The following RBMS1 variants were observed in gnomAD, a reference collection of about 807,000 sequenced individuals.
RBMS1 encodes RNA binding motif single stranded interacting protein 1.
A neutral mutation model predicts 62.3 loss-of-function variants in RBMS1; 17 were observed. The ratio of observed to expected loss-of-function variants is 0.27; its 90% CI spans 0.19 to 0.41. The LOEUF (loss-of-function observed/expected upper bound fraction) is 0.41. RBMS1 is among the 10% of genes least tolerant of loss of function. The probability of loss-of-function intolerance (pLI) is 1.00; values close to 1 mark genes in which losing one functional copy is unlikely to be tolerated. For synonymous variants in RBMS1, 172 were observed against 170.0 expected, an observed-to-expected ratio of 1.01 and a Z score of -0.09; for missense variants, 334 against 504.5, an observed-to-expected ratio of 0.66 and a Z score of 3.24.
intron 1 of RBMS1, among the ~76,000 whole-genome samples, chr2:160,490,110 TC>T (rs1343239450): frequency 6.6e-6 from 1 of 152,104 alleles, no homozygotes; most frequent in Non-Finnish European, 1.5e-5. Context: ...TGTTAGATTA[TC>T]AACATCTTTT....
At chr2:160,421,135 TTC>T (rs1282522015) in intron 1 of RBMS1, among the ~76,000 whole-genome samples, 2 of 151,870 alleles carry the variant, frequency 1.3e-5, no homozygotes, top group Non-Finnish European at 2.9e-5. Context: ...CTCTAACTTA[TTC>T]TTTTTTCTTT....
chr2:160,333,263 CTAA>C (rs1008993213), intron 2 of RBMS1, among the ~76,000 whole-genome samples: 3 of 152,042 alleles, frequency 2.0e-5, no homozygotes, highest in Non-Finnish European at 2.9e-5. Flanking sequence ...TATTGTGATC[CTAA>C]TAATAATAAT....
intron 1 of RBMS1, among the ~76,000 whole-genome samples, chr2:160,406,091 G>C (rs1052596546): frequency 1.3e-5 from 2 of 152,130 alleles, no homozygotes; most frequent in African/African-American, 2.4e-5. Flanking sequence ...CATAAATGCA[G>C]ATTTTATTTA....
chr2:160,423,122 C>T (rs925648405), intron 1 of RBMS1, among the ~76,000 whole-genome samples: 6 of 152,138 alleles, frequency 3.9e-5, no homozygotes, highest in Admixed American at 1.3e-4. Flanking sequence ...TCCTTGATTT[C>T]GAATGAACTT....
intron 1 of RBMS1, among the ~76,000 whole-genome samples, chr2:160,417,008 C>T (rs1214119241): frequency 1.3e-5 from 2 of 152,108 alleles, no homozygotes; most frequent in African/African-American, 4.8e-5. Flanking sequence ...TCTTTTCTTG[C>T]GCTTTAAGAA....
chr2:160,277,438 G>A, intron 11 of RBMS1, 55 bp from the exon 12 acceptor site: 3 of 1,332,916 alleles, frequency 2.3e-6, no homozygotes, highest in Non-Finnish European at 3.2e-6. Context: ...AAAATTTGGA[G>A]TACGTGGGGG....
At chr2:160,406,379 C>T (rs1183108631) in intron 1 of RBMS1, among the ~76,000 whole-genome samples, 2 of 152,220 alleles carry the variant, frequency 1.3e-5, no homozygotes, top group African/African-American at 4.8e-5. Context: ...AAAGGGAAGC[C>T]ACCAAGCATC....
Position 160,307,719 on chromosome 2 carries a change from TG to T in RBMS1, c.403-4233del, listed in dbSNP as rs1297625452. ...TTAATTCTCAATATCTGCCCAAGCT[TG>T]GAAAAAAGTTATTTTCTCAATTATT... On this transcript the variant is annotated intron_variant, in intron 4 of 13. Transcript: ENST00000348849. Among the ~76,000 whole-genome samples the T allele has an allele frequency of 5.3e-5, 8 of 152,248 alleles. No individual in the cohort carries two copies. The East Asian group carries it at 1.5e-3, about 29-fold the overall frequency.
At chr2:160,418,091 G>A (rs1275341362) in intron 1 of RBMS1, among the ~76,000 whole-genome samples, 1 of 152,192 alleles carries the variant, frequency 6.6e-6, no homozygotes, top group Non-Finnish European at 1.5e-5. Context: ...AAGATGAAAG[G>A]GAGATGAACC....
intron 1 of RBMS1, among the ~76,000 whole-genome samples, chr2:160,438,038 A>G (rs1683185716): frequency 6.6e-6 from 1 of 152,220 alleles, no homozygotes; most frequent in South Asian, 2.1e-4. Flanking sequence ...GAAATGCCTT[A>G]GGGTCCTCCT....
At chr2:160,452,672 T>C (rs1684042093) in intron 1 of RBMS1, among the ~76,000 whole-genome samples, 1 of 152,228 alleles carries the variant, frequency 6.6e-6, no homozygotes, top group South Asian at 2.1e-4. Flanking sequence ...AGAATGACCT[T>C]ATTACGAGAA....
At chr2:160,459,262 T>C (rs187459846) in intron 1 of RBMS1, among the ~76,000 whole-genome samples, 99 of 152,342 alleles carry the variant, frequency 6.5e-4, no homozygotes, top group Non-Finnish European at 1.2e-3. Context: ...GAGAAAACAC[T>C]GGGTGGCTTC....
At chr2:160,439,215 G>C (rs557220269) in intron 1 of RBMS1, among the ~76,000 whole-genome samples, 17 of 151,996 alleles carry the variant, frequency 1.1e-4, no homozygotes, top group East Asian at 2.0e-4. Context: ...CCTCCCTCTC[G>C]GACGAGGTGG....
At chr2:160,392,313 G>C (rs954923950) in intron 1 of RBMS1, among the ~76,000 whole-genome samples, 1 of 152,116 alleles carries the variant, frequency 6.6e-6, no homozygotes, top group African/African-American at 2.4e-5. Context: ...GCTGGCTTTT[G>C]TATTTAAAGT....
intron 4 of RBMS1, among the ~76,000 whole-genome samples, chr2:160,305,426 C>G (rs1487279724): frequency 6.6e-6 from 1 of 152,156 alleles, no homozygotes; most frequent in Admixed American, 6.5e-5. Context: ...GTATTCAGTA[C>G]AGTAAGATGT....
At chr2:160,396,243 AAC>A (rs1265964214) in intron 1 of RBMS1, among the ~76,000 whole-genome samples, 1 of 152,188 alleles carries the variant, frequency 6.6e-6, no homozygotes, top group Non-Finnish European at 1.5e-5. Flanking sequence ...GAAAAAAATT[AAC>A]ACTTTATTTT....
intron 1 of RBMS1, among the ~76,000 whole-genome samples, chr2:160,398,357 T>C (rs1228653241): frequency 2.0e-5 from 3 of 152,158 alleles, no homozygotes; most frequent in Non-Finnish European, 4.4e-5. Flanking sequence ...AAGAATGAAA[T>C]TTGCCATATA....
At chr2:160,342,550 ATG>A (rs902590745) in intron 2 of RBMS1, among the ~76,000 whole-genome samples, 1 of 151,980 alleles carries the variant, frequency 6.6e-6, no homozygotes, top group African/African-American at 2.4e-5. Flanking sequence ...ATATATATAT[ATG>A]TGTGAAAAAT....
intron 1 of RBMS1, among the ~76,000 whole-genome samples, chr2:160,419,824 A>C (rs1211142873): frequency 6.6e-6 from 1 of 152,242 alleles, no homozygotes; most frequent in East Asian, 1.9e-4. Context: ...GAAAAAAACC[A>C]AACATTTAAA....
Sources: allele counts gnomAD v4.1 joint callset (sites outside exome capture counted in the v4.1 genomes callset), GRCh38; gene constraint gnomAD v4.1.1; transcripts MANE v1.5; gene names NCBI Gene and HGNC (gene_info 2026-07-23, HGNC 2026-07-21).